HERC6: variants seen among roughly 807,000 people sequenced by gnomAD.
HERC6 encodes probable E3 ubiquitin-protein ligase HERC6.
A neutral mutation model predicts 114.5 loss-of-function variants in HERC6; 101 were observed. That is an observed-to-expected ratio of 0.88 (90% confidence interval 0.75 to 1.04). The LOEUF (loss-of-function observed/expected upper bound fraction) is 1.04. Among genes scored for constraint, HERC6 ranks in the 50% least tolerant of loss-of-function variants. The pLI, the probability that HERC6 is intolerant of heterozygous loss-of-function variation, is 0.00. For missense variants in HERC6, 1,133 were observed against 1,230.9 expected (o/e 0.92, Z 1.19); for synonymous variants, 408 against 436.2 (o/e 0.94, Z 0.81).
At chr4:88,436,005 C>A in intron 18 of HERC6, 114 bp downstream of exon 18, 2 of 719,434 alleles carry the variant, frequency 2.8e-6, no homozygotes, top group Non-Finnish European at 4.1e-6. Context: ...ATAATGTATG[C>A]TCTTGAGAGG....
At chr4:88,424,156 GT>G (rs1247179805) in intron 14 of HERC6, among the ~76,000 whole-genome samples, 183 bp downstream of exon 14, 1 of 152,110 alleles carries the variant, frequency 6.6e-6, no homozygotes. Context: ...AACAAATGCA[GT>G]TTTTGAAATT....
In HERC6 at chr4:88,428,672, C is replaced by T; in HGVS notation, c.2028C>T (p.Val676=). Residue 676 remains valine, a synonymous_variant, in exon 16 of 23, where the codon GTC becomes GTT. Transcript: ENST00000264346. The part of the protein sequence containing the change: ...FPPSPRFILR[V]RRSRLVKDAL... The stretch of plus-strand genomic sequence containing the variant: ...CATCACCCAGATTTATACTTAGAGT[C>T]AGACGAAGTCGCCTGGTTAAAGATG... 6.2e-7 allele frequency: 1 copy of T among 1,604,286 alleles called. No individual in the cohort carries two copies. The highest frequency in any genetic ancestry group is 8.5e-7 in the Non-Finnish European group (1 of 1,175,526).
intron 17 of HERC6, 80 bp from the exon 18 acceptor site, chr4:88,435,645 A>AT (rs954210845): frequency 6.9e-4 from 688 of 998,462 alleles, no homozygotes; most frequent in South Asian, 1.0e-3. Context: ...AGGGAACCAC[A>AT]TTTTTTTTTA....
intron 11 of HERC6, among the ~76,000 whole-genome samples, chr4:88,411,362 G>A (rs1736093276): frequency 6.6e-6 from 1 of 152,092 alleles, no homozygotes; most frequent in African/African-American, 2.4e-5. Context: ...ATTCTATGAT[G>A]TCATACACTA....
At chr4:88,405,214 T>C (rs986627450) in intron 9 of HERC6, among the ~76,000 whole-genome samples, 7 of 152,020 alleles carry the variant, frequency 4.6e-5, no homozygotes, top group African/African-American at 1.7e-4. Flanking sequence ...GGTGAGGGAG[T>C]TGCAGGAGTG....
At chr4:88,419,908 G>T (rs911358486) in intron 13 of HERC6, among the ~76,000 whole-genome samples, 11 of 152,134 alleles carry the variant, frequency 7.2e-5, no homozygotes, top group African/African-American at 2.6e-4. Context: ...GCTAACTTCA[G>T]ACGTACATCC....
chr4:88,439,848 T>TC, intron 20 of HERC6, 26 bp from the exon 21 acceptor site: 1 of 1,240,456 alleles, frequency 8.1e-7, no homozygotes, highest in Non-Finnish European at 1.0e-6. Flanking sequence ...CTTTCTTTTT[T>TC]TTTTTTTTTT....
At chr4:88,424,153 G>A (rs1737352969) in intron 14 of HERC6, among the ~76,000 whole-genome samples, 180 bp downstream of exon 14, 3 of 152,102 alleles carry the variant, frequency 2.0e-5, no homozygotes, top group South Asian at 2.1e-4. Context: ...TAAAACAAAT[G>A]CAGTTTTTGA....
chr4:88,431,422 T>A, intron 17 of HERC6, 117 bp downstream of exon 17: 6 of 1,145,688 alleles, frequency 5.2e-6, no homozygotes, highest in South Asian at 1.6e-5. Flanking sequence ...GCTACTCATA[T>A]TTTGAGTAGT....
chr4:88,429,830 TGTAAA>T (rs1738004044), intron 16 of HERC6, among the ~76,000 whole-genome samples: 1 of 152,160 alleles, frequency 6.6e-6, no homozygotes, highest in South Asian at 2.1e-4. Context: ...AAATCTTAAC[TGTAAA>T]GGAATCAGTA....
intron 20 of HERC6, among the ~76,000 whole-genome samples, chr4:88,439,499 T>C (rs1262389990): frequency 6.6e-6 from 1 of 151,876 alleles, no homozygotes; most frequent in African/African-American, 2.4e-5. Context: ...GGTCAGATAA[T>C]TGAGGGAGGA....
intron 4 of HERC6, among the ~76,000 whole-genome samples, chr4:88,391,166 A>G (rs1350111352): frequency 1.3e-5 from 2 of 152,286 alleles, no homozygotes; most frequent in Non-Finnish European, 2.9e-5. Context: ...CTTCTTCCCT[A>G]CAGGCTCTGA....
At chr4:88,422,264 A>C (rs1737143595) in intron 13 of HERC6, among the ~76,000 whole-genome samples, 1 of 152,204 alleles carries the variant, frequency 6.6e-6, no homozygotes, top group Admixed American at 6.5e-5. Flanking sequence ...TCTGTATAGA[A>C]TCATATAACT....
intron 4 of HERC6, 126 bp from the exon 5 acceptor site, chr4:88,393,362 A>T (rs547500349): frequency 2.4e-6 from 1 of 410,040 alleles, no homozygotes; most frequent in Non-Finnish European, 4.2e-6. Context: ...TATGTTAGTG[A>T]ATTATAAGAA....
intron 1 of HERC6, 28 bp from the exon 2 acceptor site, chr4:88,383,193 G>A (rs779716302): frequency 3.7e-5 from 59 of 1,601,148 alleles, no homozygotes; most frequent in Non-Finnish European, 5.1e-6. Flanking sequence ...AGTGGTGGTT[G>A]GGGGGTGTTT....
intron 10 of HERC6, among the ~76,000 whole-genome samples, chr4:88,407,643 T>C (rs1330588509): frequency 1.3e-5 from 2 of 152,088 alleles, no homozygotes; most frequent in Non-Finnish European, 2.9e-5. Flanking sequence ...ACTCCTGGCT[T>C]CAAGCAATGC....
chr4:88,420,877 C>T (rs1736980446), intron 13 of HERC6, among the ~76,000 whole-genome samples: 1 of 152,126 alleles, frequency 6.6e-6, no homozygotes, highest in African/African-American at 2.4e-5. Flanking sequence ...ATTTTTATCA[C>T]CCAAAAAGAA....
chr4:88,436,937 A>C lies in HERC6; in HGVS notation c.2450A>C (p.Asp817Ala). 5 of 1,608,056 alleles carry C rather than the reference A, an allele frequency of 3.1e-6. No individual in the cohort carries two copies. Among genetic ancestry groups the C allele is most frequent in the South Asian group, 1.1e-5 (1 of 89,654 alleles). The change falls in exon 19 of 23, where the codon GAT (aspartate) becomes GCT (alanine). Residue 817 changes from aspartate (D) to alanine (A), a missense_variant. This residue lies in a region of HERC6 where 388 missense variants were observed against 445.9 expected (regional missense o/e 0.87). Transcript: ENST00000264346. ...CAAGAAGTTCTAGATGATGCTGCTG[A>C]TGACATTGGAGATGCGCTCTGCATA... ...SLQEVLDDAA[D>A]DIGDALCIRF...
intron 17 of HERC6, among the ~76,000 whole-genome samples, chr4:88,432,911 A>G (rs1738384262): frequency 6.6e-6 from 1 of 151,042 alleles, no homozygotes; most frequent in Non-Finnish European, 1.5e-5. Flanking sequence ...GCATGGTGAA[A>G]CCCTATCTCT....
Sources: allele counts gnomAD v4.1 joint callset (sites outside exome capture counted in the v4.1 genomes callset), GRCh38; gene constraint gnomAD v4.1.1; regional missense constraint gnomAD v4.1.1; transcripts MANE v1.5; gene names NCBI Gene and HGNC (gene_info 2026-07-23, HGNC 2026-07-21).